Variants in UNG observed in about 807,000 individuals in gnomAD.
The protein encoded by UNG is uracil-DNA glycosylase.
UNG carries 34 observed loss-of-function variants against 36.5 expected under a neutral mutation model. The observed-to-expected ratio is 0.93, with a 90% CI of 0.71 to 1.24. UNG has a LOEUF of 1.24. Ranked by LOEUF, UNG falls within the 50% of genes most tolerant of loss-of-function variation. The pLI is 0.00. For synonymous variants in UNG, 172 were observed against 157.8 expected, an observed-to-expected ratio of 1.09 and a Z score of -0.67; for missense variants, 391 against 397.6, an observed-to-expected ratio of 0.98 and a Z score of 0.14.
In UNG at chr12:109,097,599, T is replaced by C. The variant is rs1750355388; in HGVS notation, c.-81T>C. The C allele has an allele frequency of 6.5e-7, 1 of 1,534,584 alleles. No individual in the cohort carries two copies. On this transcript the variant is annotated 5_prime_UTR_variant, in exon 1 of 7. Transcript: ENST00000242576. ...GCATGCGCGGGCCGCTTGGCGCCAATTGCTGACCGCCACAGCCACAGCCAG... is the reference window on the plus strand; with the variant it reads ...GCATGCGCGGGCCGCTTGGCGCCAACTGCTGACCGCCACAGCCACAGCCAG...
At chr12:109,098,036 G>C in intron 1 of UNG, 1 of 1,344,358 alleles carries the variant, frequency 7.4e-7, no homozygotes, top group South Asian at 1.7e-5. Flanking sequence ...GCCAATCCGC[G>C]CGCCGCAGGC....
chr12:109,102,910 C>T lies in UNG; in HGVS notation c.605C>T (p.Ser202Phe). The change falls in exon 5 of 7, where the codon TCT (serine) becomes TTT (phenylalanine). Residue 202 changes from serine to phenylalanine, a missense_variant. Transcript: ENST00000242576. Reference sequence around the variant, plus strand: ...GTTCATCCTGGCCATGGAGATTTATCTGGGTGGGCCAAGCAAGGTAAGCCA... The same window carrying T: ...GTTCATCCTGGCCATGGAGATTTATTTGGGTGGGCCAAGCAAGGTAAGCCA... ...DFVHPGHGDL[S>F]GWAKQGVLLL... 1 of 1,595,738 alleles carries T rather than the reference C, an allele frequency of 6.3e-7. No homozygotes were observed. Among genetic ancestry groups the T allele is most frequent in the Non-Finnish European group, 8.6e-7 (1 of 1,168,494 alleles).
intron 6 of UNG, among the ~76,000 whole-genome samples, chr12:109,107,281 G>T (rs576192730): frequency 2.6e-5 from 4 of 152,134 alleles, no homozygotes; most frequent in African/African-American, 4.8e-5. Context: ...ACTCACTGCG[G>T]CCTCAACCTC....
At chr12:109,100,850 A>G (rs549242132) in intron 3 of UNG, among the ~76,000 whole-genome samples, 7 of 152,228 alleles carry the variant, frequency 4.6e-5, no homozygotes, top group Non-Finnish European at 1.0e-4. Flanking sequence ...AGAGTATGTC[A>G]GCTGTGGAGG....
rs1237858403 is a variant in UNG at position 109,103,484 on chromosome 12, C to T, written c.674C>T (p.Ser225Phe). The change falls in exon 6 of 7, where the codon TCT becomes TTT. Residue 225 changes from serine (S) to phenylalanine (F), a missense_variant. Physicochemically the swap from Ser to Phe is radical, Grantham distance 155 (BLOSUM62 -2). Coordinates refer to ENST00000242576, the MANE Select transcript of UNG (RefSeq NM_080911.3). ...VLTVRAHQANSHKERGWEQFT... is the reference protein window; with the variant it reads ...VLTVRAHQANFHKERGWEQFT... ...ACGGTTCGTGCCCATCAAGCCAACT[C>T]TCATAAGGAGCGAGGCTGGGAGCAG... 3 of 1,614,214 alleles carry T rather than the reference C, an allele frequency of 1.9e-6. No individual in the cohort carries two copies. In the Admixed American group the frequency reaches 5.0e-5, roughly 27 times the overall value.
chr12:109,100,736 T>C (rs910762080), intron 3 of UNG, among the ~76,000 whole-genome samples: 7 of 152,208 alleles, frequency 4.6e-5, no homozygotes, highest in Non-Finnish European at 1.0e-4. Context: ...GGAGAGTTGT[T>C]TCACAAGAGA....
Position 109,110,251 on chromosome 12 carries a change from C to T in UNG, c.*282C>T. 2.2e-6 allele frequency: 1 copy of T among 461,930 alleles called. No individual in the cohort carries two copies. Among genetic ancestry groups the T allele is most frequent in the South Asian group, 2.2e-5 (1 of 45,840 alleles). 28.6% of individuals were successfully genotyped at this position (461,930 alleles called of 1,614,324 possible). On this transcript the variant is annotated 3_prime_UTR_variant, in exon 7 of 7. Transcript: ENST00000242576. ...TACTCAGTTGGCTCTCTTTATCTCC[C>T]TTGCCTTTATGGTGAAACAGGGGAG...
rs1008344721 is a variant in UNG at position 109,098,683 on chromosome 12, G to A, written c.339+45G>A. ...TTCCATAAGGGTAAATGTGGAGGCT[G>A]CCGGCCCTTTTGTCTTGTTAGTGTA... On this transcript the variant is annotated intron_variant, in intron 2 of 6. Coordinates refer to ENST00000242576, the MANE Select transcript of UNG (RefSeq NM_080911.3). 5.6e-6 allele frequency: 9 copies of A among 1,611,952 alleles called. No individual in the cohort carries two copies. The Admixed American group carries it at 1.5e-4, about 27-fold the overall frequency.
rs1276737245 is a variant in UNG at position 109,109,950 on chromosome 12, TTGACTGGA to T, written c.924_931del (p.Asp309GlyfsTer7). On this transcript the variant is annotated frameshift_variant, in exon 7 of 7. Coordinates refer to ENST00000242576, the MANE Select transcript of UNG (RefSeq NM_080911.3). LOFTEE classifies it high-confidence loss of function. ...CTGCAGAAGTCTGGCAAGAAGCCCA[TTGACTGGA>T]AGGAGCTGTGATCATCAGCTGAGGG... 6.2e-7 allele frequency: 1 copy of T among 1,614,010 alleles called. No individual in the cohort carries two copies. Among genetic ancestry groups the T allele is most frequent in the East Asian group, 2.2e-5 (1 of 44,890 alleles).
chr12:109,104,249 A>G (rs914329423), intron 6 of UNG, among the ~76,000 whole-genome samples: 6 of 151,716 alleles, frequency 4.0e-5, no homozygotes, highest in Non-Finnish European at 5.9e-5. Flanking sequence ...GGGTTTCACC[A>G]TGTTGGCCAG....
intron 3 of UNG, 36 bp from the exon 4 acceptor site, chr12:109,101,866 A>G (rs373142518): frequency 7.0e-6 from 11 of 1,561,858 alleles, no homozygotes; most frequent in African/African-American, 5.4e-5. Context: ...CTTACATTAC[A>G]GTATTGTTTA....
chr12:109,099,874 C>A (rs948741807), intron 3 of UNG, among the ~76,000 whole-genome samples: 2 of 152,118 alleles, frequency 1.3e-5, no homozygotes, highest in African/African-American at 4.8e-5. Flanking sequence ...GTCAGGAGTT[C>A]AAGACCAATG....
In UNG at chr12:109,099,276, A is replaced by G. The variant is rs756363104; in HGVS notation, c.427A>G (p.Ile143Val). Residue 143 changes from isoleucine to valine, a missense_variant, in exon 3 of 7, where the codon ATA becomes GTA. By Grantham distance (29) the Ile-to-Val change is conservative. Transcript: ENST00000242576. The part of the protein sequence containing the change: ...QVFTWTQMCD[I>V]KDVKVVILGQ... ...CTTCACCTGGACCCAGATGTGTGAC[A>G]TAAAAGATGTAAGTACAACTTGTTG... 5 of 1,613,696 alleles carry G rather than the reference A, an allele frequency of 3.1e-6. No individual in the cohort carries two copies. In the Admixed American group the frequency reaches 6.7e-5, roughly 22 times the overall value.
At chr12:109,108,768 C>CT (rs1162702852) in intron 6 of UNG, among the ~76,000 whole-genome samples, 1 of 152,182 alleles carries the variant, frequency 6.6e-6, no homozygotes, top group African/African-American at 2.4e-5. Context: ...GTAGCTAGGA[C>CT]TGCAGGTGCA....
At position 109,110,229 on chromosome 12, in the gene UNG, TCA is replaced by T. The variant is rs1201959613; in HGVS notation, c.*261_*262del. 1 of 515,980 alleles carries T rather than the reference TCA, an allele frequency of 1.9e-6. No individual in the cohort carries two copies. The highest frequency in any genetic ancestry group is 3.5e-6 in the Non-Finnish European group (1 of 286,302). The allele number at this position is 515,980 out of a possible 1,614,324, so 32.0% of individuals were successfully genotyped here. On this transcript the variant is annotated 3_prime_UTR_variant, in exon 7 of 7. Transcript: ENST00000242576. ...GCAGAAGACAGATGAGGTCAAATAC[TCA>T]GTTGGCTCTCTTTATCTCCCTTGCC...
chr12:109,110,026 A>C lies in UNG; in HGVS notation c.*57A>C. On this transcript the variant is annotated 3_prime_UTR_variant, in exon 7 of 7. Coordinates refer to ENST00000242576, the MANE Select transcript of UNG (RefSeq NM_080911.3). ...GCTGTTAACGTATTTGCCAGTTACGAAGTTCCACTGAAAATTTTCCTATTA... is the reference window on the plus strand; with the variant it reads ...GCTGTTAACGTATTTGCCAGTTACGCAGTTCCACTGAAAATTTTCCTATTA... The C allele has an allele frequency of 6.2e-7, 1 of 1,612,836 alleles. No homozygotes were observed. The highest frequency in any genetic ancestry group is 8.5e-7 in the Non-Finnish European group (1 of 1,179,546).
Position 109,099,251 on chromosome 12 carries a change from CTT to C in UNG, c.403_404del (p.Phe135HisfsTer7). On this transcript the variant is annotated frameshift_variant, in exon 3 of 7. Transcript: ENST00000242576. LOFTEE classifies it high-confidence loss of function. ...YTVYPPPHQV[F>X]TWTQMCDIKD... ...CTGTTTATCCACCCCCACACCAAGT[CTT>C]CACCTGGACCCAGATGTGTGACATA... 1 of 1,614,130 alleles carries C rather than the reference CTT, an allele frequency of 6.2e-7. No individual in the cohort carries two copies. The highest frequency in any genetic ancestry group is 1.1e-5 in the South Asian group (1 of 91,082).
Position 109,098,465 on chromosome 12 carries a change from G to A in UNG, c.166G>A (p.Glu56Lys), listed in dbSNP as rs2042150392. The A allele has an allele frequency of 5.0e-6, 8 of 1,611,794 alleles. No homozygotes were observed. Among genetic ancestry groups the A allele is most frequent in the Non-Finnish European group, 6.8e-6 (8 of 1,179,324 alleles). Residue 56 changes from glutamate (E) to lysine (K), a missense_variant, in exon 2 of 7, where the codon GAG becomes AAG. Physicochemically the swap from Glu to Lys is moderately conservative, Grantham distance 56. Coordinates refer to ENST00000242576, the MANE Select transcript of UNG (RefSeq NM_080911.3). Reference protein sequence around the residue: ...IPAKKAPAGQEEPGTPPSSPL... With the variant: ...IPAKKAPAGQKEPGTPPSSPL... ...AGCCAAGAAGGCCCCGGCTGGGCAG[G>A]AGGAGCCTGGGACGCCGCCCTCCTC...
In UNG at chr12:109,099,266, G is replaced by A; in HGVS notation, c.417G>A (p.Gln139=). The change falls in exon 3 of 7, where the codon CAG becomes CAA. Residue 139 remains glutamine, a synonymous_variant. Coordinates refer to ENST00000242576, the MANE Select transcript of UNG (RefSeq NM_080911.3). The stretch of plus-strand genomic sequence containing the variant: ...CACACCAAGTCTTCACCTGGACCCA[G>A]ATGTGTGACATAAAAGATGTAAGTA... ...PPPHQVFTWT[Q]MCDIKDVKVV... 6.2e-7 allele frequency: 1 copy of A among 1,614,012 alleles called. No individual in the cohort carries two copies. The highest frequency in any genetic ancestry group is 2.2e-5 in the East Asian group (1 of 44,874).
Sources: gnomAD v4.1 joint callset for allele counts (sites outside exome capture counted in the v4.1 genomes callset) on GRCh38, gnomAD v4.1.1 for gene constraint, MANE v1.5 for transcripts, NCBI Gene and HGNC (gene_info 2026-07-23, HGNC 2026-07-21) for gene names.